NREP: variants seen among roughly 807,000 people sequenced by gnomAD.
The protein encoded by NREP is neuronal regeneration-related protein.
NREP carries 5 observed loss-of-function variants against 8.6 expected under a neutral mutation model. That is an observed-to-expected ratio of 0.58 (90% CI 0.30 to 1.22). The LOEUF (loss-of-function observed/expected upper bound fraction) is 1.22. NREP is among the 50% of genes most tolerant of loss of function. The pLI, the probability that NREP is intolerant of heterozygous loss-of-function variation, is 0.07. For missense variants in NREP, 86 were observed against 82.5 expected (o/e 1.04, Z -0.17); for synonymous variants, 27 against 28.0 (o/e 0.96, Z 0.11).
intron 2 of NREP, among the ~76,000 whole-genome samples, chr5:111,910,394 A>G (rs1009887864): frequency 6.6e-6 from 1 of 152,002 alleles, no homozygotes; most frequent in Non-Finnish European, 1.5e-5. Context: ...ACAGAGGGTC[A>G]ATGTGTGGCG....
chr5:111,872,978 G>T (rs187058396), intron 2 of NREP, among the ~76,000 whole-genome samples: 72 of 152,264 alleles, frequency 4.7e-4, no homozygotes, highest in African/African-American at 1.6e-3. Context: ...TTGGGTCTCA[G>T]GGATAAGGCA....
At chr5:111,917,162 T>C (rs1581216568) in intron 2 of NREP, among the ~76,000 whole-genome samples, 1 of 152,100 alleles carries the variant, frequency 6.6e-6, no homozygotes, top group East Asian at 1.9e-4. Context: ...GCACAGTGTG[T>C]TTAAGAAGTC....
intron 2 of NREP, among the ~76,000 whole-genome samples, chr5:111,805,425 C>T (rs1420174826): frequency 6.6e-6 from 1 of 152,086 alleles, no homozygotes. Context: ...TGCCCGTATA[C>T]TGGAGAGAGA....
At chr5:111,870,218 T>C (rs1333972475) in intron 2 of NREP, among the ~76,000 whole-genome samples, 5 of 152,086 alleles carry the variant, frequency 3.3e-5, no homozygotes, top group Non-Finnish European at 7.4e-5. Flanking sequence ...TCCCTTGAGG[T>C]CAGGAGTTTG....
Position 111,965,092 on chromosome 5 carries a change from C to T in NREP, c.135+10182G>A, listed in dbSNP as rs149197419. On this transcript the variant is annotated intron_variant, in intron 2 of 3. Coordinates refer to the NREP transcript ENST00000395634. Reference sequence around the variant, plus strand: ...CTCTCACTTTGCTCTCAGGCCAGGCCCCTCATAATCATGAGATAGCTGCAA... The same window carrying T: ...CTCTCACTTTGCTCTCAGGCCAGGCTCCTCATAATCATGAGATAGCTGCAA... 3.8e-4 allele frequency among the ~76,000 whole-genome samples: 58 copies of T among 151,964 alleles called. 1 individual carries two copies. The East Asian group carries it at 0.011, about 28-fold the overall frequency.
intron 2 of NREP, among the ~76,000 whole-genome samples, chr5:111,822,511 T>A (rs150461440): frequency 6.6e-6 from 1 of 152,334 alleles, no homozygotes; most frequent in East Asian, 1.9e-4. Flanking sequence ...TAAAGTCAAA[T>A]GGAAATATAC....
intron 2 of NREP, among the ~76,000 whole-genome samples, chr5:111,825,134 C>T (rs1015016429): frequency 2.0e-5 from 3 of 152,078 alleles, no homozygotes; most frequent in Non-Finnish European, 4.4e-5. Flanking sequence ...TGTTATCATA[C>T]ATGCTCATTA....
At chr5:111,928,096 G>A (rs1755438581) in intron 2 of NREP, among the ~76,000 whole-genome samples, 1 of 152,026 alleles carries the variant, frequency 6.6e-6, no homozygotes, top group Non-Finnish European at 1.5e-5. Flanking sequence ...TTGCACCATG[G>A]CCCACACCTG....
chr5:111,958,513 A>C (rs1409433475), intron 2 of NREP, among the ~76,000 whole-genome samples: 2 of 151,980 alleles, frequency 1.3e-5, no homozygotes, highest in African/African-American at 4.8e-5. Flanking sequence ...TCATTCAAAC[A>C]TTTATACTTA....
intron 2 of NREP, among the ~76,000 whole-genome samples, chr5:111,775,047 T>C (rs1428996049): frequency 6.6e-6 from 1 of 152,116 alleles, no homozygotes; most frequent in Non-Finnish European, 1.5e-5. Context: ...AATAGTTTGA[T>C]TTTGTTGTTT....
chr5:111,912,475 T>G (rs1754940549), intron 2 of NREP: 1 of 152,136 alleles, frequency 6.6e-6, no homozygotes, highest in South Asian at 2.1e-4. Context: ...TAATCTATTC[T>G]ATCTGTATCT....
intron 2 of NREP, among the ~76,000 whole-genome samples, chr5:111,769,224 T>C (rs1387817959): frequency 6.6e-6 from 1 of 152,182 alleles, no homozygotes; most frequent in Non-Finnish European, 1.5e-5. Context: ...TCATCTTCAA[T>C]AAATATTTAT....
At chr5:111,922,852 T>G (rs1460549955) in intron 2 of NREP, among the ~76,000 whole-genome samples, 2 of 152,142 alleles carry the variant, frequency 1.3e-5, no homozygotes, top group East Asian at 3.9e-4. Flanking sequence ...TGAAGTTTAT[T>G]TCCCTGATGG....
chr5:111,921,907 C>T (rs1490288292), intron 2 of NREP, among the ~76,000 whole-genome samples: 1 of 152,068 alleles, frequency 6.6e-6, no homozygotes, highest in Non-Finnish European at 1.5e-5. Context: ...TTTGCTTCTT[C>T]CTCATTTTTC....
intron 2 of NREP, among the ~76,000 whole-genome samples, chr5:111,787,694 A>G (rs1223054181): frequency 6.6e-6 from 1 of 152,192 alleles, no homozygotes; most frequent in African/African-American, 2.4e-5. Flanking sequence ...TTAATCAGTA[A>G]AATATTTTTG....
chr5:111,893,030 C>T (rs1754430486), intron 2 of NREP, among the ~76,000 whole-genome samples: 1 of 152,244 alleles, frequency 6.6e-6, no homozygotes, highest in African/African-American at 2.4e-5. Flanking sequence ...GACATACCCA[C>T]AGCAGGTCTC....
chr5:111,888,817 C>A (rs1290525775), intron 2 of NREP, among the ~76,000 whole-genome samples: 3 of 152,176 alleles, frequency 2.0e-5, no homozygotes, highest in South Asian at 2.1e-4. Flanking sequence ...CTGGATTAAA[C>A]CCTCAGATTT....
chr5:111,881,028 C>T (rs1302845770), intron 2 of NREP, among the ~76,000 whole-genome samples: 5 of 152,234 alleles, frequency 3.3e-5, no homozygotes, highest in Admixed American at 6.5e-5. Flanking sequence ...CGAGGCATTG[C>T]CTCACTCGGG....
At chr5:111,923,137 A>G (rs576571741) in intron 2 of NREP, among the ~76,000 whole-genome samples, 2 of 152,292 alleles carry the variant, frequency 1.3e-5, no homozygotes, top group East Asian at 3.9e-4. Context: ...TAAGAAAGAC[A>G]TATTTGGAGT....
Sources: gnomAD v4.1 joint callset for allele counts (sites outside exome capture counted in the v4.1 genomes callset) on GRCh38, gnomAD v4.1.1 for gene constraint, MANE v1.5 for transcripts, NCBI Gene and HGNC (gene_info 2026-07-23, HGNC 2026-07-21) for gene names.